Variants in DGKB observed in about 807,000 individuals in gnomAD.
DGKB encodes diacylglycerol kinase beta.
A neutral mutation model predicts 114.3 loss-of-function variants in DGKB; 67 were observed. The ratio of observed to expected loss-of-function variants is 0.59; its 90% CI spans 0.48 to 0.72. DGKB has a LOEUF of 0.72. Among genes scored for constraint, DGKB ranks in the 30% least tolerant of loss-of-function variants. DGKB has a pLI of 0.00. For synonymous variants in DGKB, 398 were observed against 323.1 expected (o/e 1.23, Z -2.49); for missense variants, 907 against 975.2 (o/e 0.93, Z 0.93).
intron 20 of DGKB, among the ~76,000 whole-genome samples, chr7:14,514,198 T>A (rs1788413531): frequency 6.6e-6 from 1 of 152,104 alleles, no homozygotes; most frequent in Non-Finnish European, 1.5e-5. Context: ...AATTGTGATA[T>A]ACATTTTTAA....
At chr7:14,266,248 A>C (rs1460604866) in intron 23 of DGKB, among the ~76,000 whole-genome samples, 2 of 152,196 alleles carry the variant, frequency 1.3e-5, no homozygotes, top group East Asian at 3.8e-4. Flanking sequence ...TGATTCTAAG[A>C]ATTTTGCTAT....
intron 15 of DGKB, among the ~76,000 whole-genome samples, chr7:14,617,995 G>T (rs1353222109): frequency 6.6e-6 from 1 of 151,350 alleles, no homozygotes; most frequent in Non-Finnish European, 1.5e-5. Context: ...CAGTTTAAAG[G>T]TTGCTATAAT....
intron 13 of DGKB, among the ~76,000 whole-genome samples, chr7:14,645,936 C>A (rs772373493): frequency 4.0e-5 from 6 of 151,846 alleles, no homozygotes; most frequent in East Asian, 1.9e-4. Flanking sequence ...AAGCAAACTG[C>A]AAAAAATAAC....
chr7:14,161,171 T>G (rs1408642736), intron 25 of DGKB, among the ~76,000 whole-genome samples: 1 of 152,168 alleles, frequency 6.6e-6, no homozygotes, highest in African/African-American at 2.4e-5. Context: ...CAACAGATGC[T>G]GGAGAGGATA....
chr7:14,371,176 T>C (rs908589246), intron 21 of DGKB, among the ~76,000 whole-genome samples: 1 of 152,172 alleles, frequency 6.6e-6, no homozygotes, highest in Admixed American at 6.6e-5. Flanking sequence ...TTCTTTTGGA[T>C]ATATACCCAG....
chr7:14,185,191 T>G (rs1200753778), intron 23 of DGKB, among the ~76,000 whole-genome samples: 1 of 152,194 alleles, frequency 6.6e-6, no homozygotes, highest in Non-Finnish European at 1.5e-5. Context: ...GCAGGATTAA[T>G]GTACACAAAT....
chr7:14,811,637 T>C (rs1340287001), intron 2 of DGKB, among the ~76,000 whole-genome samples: 1 of 152,110 alleles, frequency 6.6e-6, no homozygotes, highest in Non-Finnish European at 1.5e-5. Context: ...CAGGTGAAGG[T>C]GATAATTCAA....
chr7:14,787,093 G>C (rs1485906328), intron 2 of DGKB, among the ~76,000 whole-genome samples: 1 of 152,120 alleles, frequency 6.6e-6, no homozygotes, highest in African/African-American at 2.4e-5. Context: ...GAGCTGTACT[G>C]TCACTCAATA....
In DGKB at chr7:14,796,744, A is replaced by C. The variant is rs181040816; in HGVS notation, c.71-39013T>G. On this transcript the variant is annotated intron_variant, in intron 2 of 25. Transcript: ENST00000402815. ...AGAAATTTTTGAGAAAGTTAGCCAA[A>C]GCTTTTGCAAAAAATCTCCCAGAAA... 2.8e-3 allele frequency among the ~76,000 whole-genome samples: 429 copies of C among 152,288 alleles called. 1 individual carries two copies. The highest frequency in any genetic ancestry group is 9.3e-3 in the African/African-American group (388 of 41,558).
At chr7:14,849,760 A>C (rs1849100954) in intron 1 of DGKB, among the ~76,000 whole-genome samples, 1 of 152,084 alleles carries the variant, frequency 6.6e-6, no homozygotes, top group Admixed American at 6.5e-5. Flanking sequence ...ACACTGACCA[A>C]ACCTCACCAT....
intron 23 of DGKB, among the ~76,000 whole-genome samples, chr7:14,195,328 A>C (rs1300366823): frequency 6.6e-6 from 1 of 152,120 alleles, no homozygotes; most frequent in Non-Finnish European, 1.5e-5. Flanking sequence ...AGCGCTCATG[A>C]ATGAAGGCTG....
chr7:14,841,061 A>G (rs921377999), intron 2 of DGKB, 133 bp downstream of exon 2: 24 of 702,848 alleles, frequency 3.4e-5, no homozygotes, highest in Admixed American at 1.0e-4. Flanking sequence ...AGTCAACCTG[A>G]CTTGTAAACA....
At chr7:14,754,191 T>TC (rs1485516001) in intron 3 of DGKB, among the ~76,000 whole-genome samples, 1 of 151,980 alleles carries the variant, frequency 6.6e-6, no homozygotes. Flanking sequence ...CTGCGTGGGG[T>TC]CGGGGGGAGG....
intron 2 of DGKB, among the ~76,000 whole-genome samples, chr7:14,808,393 C>T (rs951406046): frequency 6.6e-6 from 1 of 152,022 alleles, no homozygotes; most frequent in African/African-American, 2.4e-5. Context: ...ATATCCCAAA[C>T]TATTCAAAAA....
chr7:14,293,185 A>G (rs971825254), intron 23 of DGKB, among the ~76,000 whole-genome samples: 23 of 152,198 alleles, frequency 1.5e-4, no homozygotes, highest in African/African-American at 5.5e-4. Flanking sequence ...AATTTCAATT[A>G]TTGAATAATT....
chr7:14,450,317 G>T (rs925398948), intron 21 of DGKB, among the ~76,000 whole-genome samples: 1 of 152,136 alleles, frequency 6.6e-6, no homozygotes, highest in East Asian at 1.9e-4. Flanking sequence ...ACTCTTGCAA[G>T]TGTTAGGCCT....
chr7:14,712,748 A>C (rs1273559178), intron 6 of DGKB, among the ~76,000 whole-genome samples: 1 of 152,016 alleles, frequency 6.6e-6, no homozygotes, highest in Non-Finnish European at 1.5e-5. Flanking sequence ...TGGAAAATAA[A>C]AGTTGTTTGG....
rs146921682 is a variant in DGKB at position 14,587,328 on chromosome 7, A to T, written c.1434-4191T>A. Among the ~76,000 whole-genome samples, 600 of 152,222 alleles carry T rather than the reference A, an allele frequency of 3.9e-3. 6 individuals are homozygous for T. The highest frequency in any genetic ancestry group is 0.014 in the African/African-American group (566 of 41,548). ...AGGCTGCATGTGACTGAATTGCCGCAATCTCATCATATTTGATGAGAATTG... is the reference window on the plus strand; with the variant it reads ...AGGCTGCATGTGACTGAATTGCCGCTATCTCATCATATTTGATGAGAATTG... On this transcript the variant is annotated intron_variant, in intron 17 of 25. Coordinates refer to ENST00000402815, the MANE Select transcript of DGKB (RefSeq NM_001350709.2).
At chr7:14,647,939 G>C (rs1034755329) in intron 13 of DGKB, among the ~76,000 whole-genome samples, 1 of 152,216 alleles carries the variant, frequency 6.6e-6, no homozygotes, top group Non-Finnish European at 1.5e-5. Context: ...TTTCTGACGG[G>C]CTTAAAAAAT....
Sources: allele counts gnomAD v4.1 joint callset (sites outside exome capture counted in the v4.1 genomes callset), GRCh38; gene constraint gnomAD v4.1.1; transcripts MANE v1.5; gene names NCBI Gene and HGNC (gene_info 2026-07-23, HGNC 2026-07-21).